The following ADGRB3 variants were observed in gnomAD, a reference collection of about 807,000 sequenced individuals.
ADGRB3 encodes the protein brain-specific angiogenesis inhibitor 3.
Under a neutral mutation model 193.4 loss-of-function variants are expected in ADGRB3, and 37 were observed. The ratio of observed to expected loss-of-function variants is 0.19; its 90% CI spans 0.15 to 0.25. The LOEUF is 0.25. Among genes scored for constraint, ADGRB3 ranks in the 10% least tolerant of loss-of-function variants. The pLI is 1.00. For missense variants in ADGRB3, 1,637 were observed against 1,852.9 expected (o/e 0.88, Z 2.14); for synonymous variants, 690 against 644.2 (o/e 1.07, Z -1.08).
At chr6:69,052,470 G>A (rs77422186) in intron 15 of ADGRB3, among the ~76,000 whole-genome samples, 1,619 of 152,260 alleles carry the variant, frequency 0.011, 27 homozygotes, top group African/African-American at 0.037. Context: ...AATATGTGAA[G>A]CCACGTTTGT....
At chr6:68,667,340 T>G (rs1768827097) in intron 3 of ADGRB3, among the ~76,000 whole-genome samples, 1 of 151,870 alleles carries the variant, frequency 6.6e-6, no homozygotes, top group South Asian at 2.1e-4. Context: ...AGCTACCTGG[T>G]GGTTTCACAG....
intron 20 of ADGRB3, among the ~76,000 whole-genome samples, chr6:69,249,842 T>G (rs1766584312): frequency 6.6e-6 from 1 of 152,214 alleles, no homozygotes; most frequent in South Asian, 2.1e-4. Context: ...TCTTAAGCCT[T>G]GAAGAAAGAA....
intron 3 of ADGRB3, among the ~76,000 whole-genome samples, chr6:68,707,979 C>T (rs1765352478): frequency 6.6e-6 from 1 of 152,124 alleles, no homozygotes; most frequent in East Asian, 1.9e-4. Flanking sequence ...AGTAAAGTCA[C>T]AGAGAGACAC....
intron 3 of ADGRB3, among the ~76,000 whole-genome samples, chr6:68,913,039 A>G (rs1324329745): frequency 6.6e-6 from 1 of 151,506 alleles, no homozygotes; most frequent in Non-Finnish European, 1.5e-5. Flanking sequence ...AGGCTTGCTT[A>G]GGTAAATAAA....
intron 10 of ADGRB3, among the ~76,000 whole-genome samples, chr6:68,988,339 C>A (rs954005478): frequency 6.6e-6 from 1 of 152,056 alleles, no homozygotes; most frequent in Non-Finnish European, 1.5e-5. Flanking sequence ...AGAGAGAGAA[C>A]AATTTAATGA....
chr6:68,777,937 C>T (rs1283451728), intron 3 of ADGRB3, among the ~76,000 whole-genome samples: 1 of 151,906 alleles, frequency 6.6e-6, no homozygotes, highest in Non-Finnish European at 1.5e-5. Flanking sequence ...CAAAACCATC[C>T]CGATCTAGTA....
intron 20 of ADGRB3, among the ~76,000 whole-genome samples, chr6:69,321,585 A>G (rs1226899881): frequency 6.6e-6 from 1 of 151,742 alleles, no homozygotes; most frequent in African/African-American, 2.4e-5. Flanking sequence ...TGTAAGTGAA[A>G]AAACCCTAGT....
intron 3 of ADGRB3, among the ~76,000 whole-genome samples, chr6:68,813,570 T>C (rs929526178): frequency 2.4e-4 from 36 of 152,280 alleles, no homozygotes; most frequent in Middle Eastern, 3.4e-3. Flanking sequence ...GGAATGCTTT[T>C]TTTTTTTTAA....
intron 20 of ADGRB3, among the ~76,000 whole-genome samples, chr6:69,269,571 C>G (rs1767128967): frequency 6.6e-6 from 1 of 151,986 alleles, no homozygotes; most frequent in Non-Finnish European, 1.5e-5. Flanking sequence ...CTTTTGTTAC[C>G]AGTAAGCCTT....
chr6:68,766,646 A>G (rs191073599), intron 3 of ADGRB3, among the ~76,000 whole-genome samples: 77 of 152,138 alleles, frequency 5.1e-4, no homozygotes, highest in African/African-American at 1.8e-3. Flanking sequence ...CATTTCCTTA[A>G]AAACTATTGT....
At chr6:68,707,917 C>T (rs991911399) in intron 3 of ADGRB3, among the ~76,000 whole-genome samples, 1 of 152,134 alleles carries the variant, frequency 6.6e-6, no homozygotes, top group South Asian at 2.1e-4. Flanking sequence ...AAAGTCAGTG[C>T]CTCAGGGGCA....
intron 3 of ADGRB3, among the ~76,000 whole-genome samples, chr6:68,657,774 C>A (rs1299355209): frequency 6.6e-6 from 1 of 151,386 alleles, no homozygotes; most frequent in African/African-American, 2.4e-5. Context: ...AATCTATATG[C>A]AAATTTGTAT....
chr6:68,968,385 G>T (rs533967198), intron 8 of ADGRB3, among the ~76,000 whole-genome samples: 1 of 152,312 alleles, frequency 6.6e-6, no homozygotes, highest in South Asian at 2.1e-4. Context: ...ACAGGGAAAT[G>T]AAGAAGTTCA....
chr6:69,247,510 T>G (rs1310505839), intron 20 of ADGRB3, among the ~76,000 whole-genome samples: 1 of 152,156 alleles, frequency 6.6e-6, no homozygotes, highest in Non-Finnish European at 1.5e-5. Flanking sequence ...TTGCCCTTGC[T>G]TTTTACTCTG....
At chr6:69,018,344 G>A (rs762166669) in intron 12 of ADGRB3, 47 bp from the exon 13 acceptor site, 1 of 1,231,820 alleles carries the variant, frequency 8.1e-7, no homozygotes, top group South Asian at 1.4e-5. Flanking sequence ...ATATGCCATT[G>A]TATGTATAGA....
chr6:68,927,779 A>T (rs1767222992), intron 3 of ADGRB3, among the ~76,000 whole-genome samples: 1 of 152,160 alleles, frequency 6.6e-6, no homozygotes, highest in Non-Finnish European at 1.5e-5. Context: ...TGAATTTTTA[A>T]TATCTTCTCT....
intron 3 of ADGRB3, among the ~76,000 whole-genome samples, chr6:68,772,409 A>G (rs907778132): frequency 6.6e-6 from 1 of 152,092 alleles, no homozygotes; most frequent in Non-Finnish European, 1.5e-5. Context: ...ACTCTGCTTG[A>G]GATGTTGTAT....
At chr6:68,774,374 T>A (rs1195928858) in intron 3 of ADGRB3, among the ~76,000 whole-genome samples, 3 of 150,550 alleles carry the variant, frequency 2.0e-5, no homozygotes, top group African/African-American at 7.3e-5. Flanking sequence ...ATGCCTATTT[T>A]TTTTTTTTTT....
chr6:68,999,198 T>G lies in ADGRB3; in HGVS notation c.1929+5236T>G, dbSNP rs1414602651. On this transcript the variant is annotated intron_variant, in intron 11 of 31. Coordinates refer to ENST00000370598, the MANE Select transcript of ADGRB3 (RefSeq NM_001704.3). ...ACTTTTCCCTTCAAGCATATTCTTT[T>G]CCAAACCTTTGGACTGTCATAACTC... is the stretch of plus-strand genomic sequence containing the variant. Among the ~76,000 whole-genome samples the G allele has an allele frequency of 3.3e-5, 5 of 152,272 alleles. No individual in the cohort carries two copies. The East Asian group carries it at 9.7e-4, about 29-fold the overall frequency.
Sources: gnomAD v4.1 joint callset for allele counts (sites outside exome capture counted in the v4.1 genomes callset) on GRCh38, gnomAD v4.1.1 for gene constraint, MANE v1.5 for transcripts, NCBI Gene and HGNC (gene_info 2026-07-23, HGNC 2026-07-21) for gene names.